The following ZNF398 variants were observed in gnomAD, a reference collection of about 807,000 sequenced individuals.
The protein encoded by ZNF398 is zinc finger protein 398.
A neutral mutation model predicts 41.9 loss-of-function variants in ZNF398; 18 were observed. The ratio of observed to expected loss-of-function variants is 0.43; its 90% CI spans 0.30 to 0.64. The LOEUF is 0.64. Ranked by LOEUF, ZNF398 falls within the 30% of genes least tolerant of loss-of-function variation. ZNF398 has a pLI of 0.14. For synonymous variants in ZNF398, 260 were observed against 308.8 expected (o/e 0.84, Z 1.66); for missense variants, 669 against 822.8 (o/e 0.81, Z 2.29).
At chr7:149,169,032 A>G (rs2129521315) in intron 4 of ZNF398, among the ~76,000 whole-genome samples, 1 of 152,352 alleles carries the variant, frequency 6.6e-6, no homozygotes, top group Middle Eastern at 3.4e-3. Flanking sequence ...CTACATTATT[A>G]GTTATCTGTC....
chr7:149,180,205 A>G lies in ZNF398; in HGVS notation c.*404A>G, dbSNP rs181521951. The G allele has an allele frequency of 6.1e-6, 1 of 163,376 alleles. No individual in the cohort carries two copies. Among genetic ancestry groups the G allele is most frequent in the Admixed American group, 5.9e-5 (1 of 16,862 alleles). The allele number at this position is 163,376 out of a possible 1,614,324, so 10.1% of individuals were successfully genotyped here. ...GAGCCTCCAAAACTGGAAGCCCATC[A>G]TAAGGCATGAGAATGTTTAACTATA... On this transcript the variant is annotated 3_prime_UTR_variant, in exon 6 of 6. Coordinates refer to ENST00000475153, the MANE Select transcript of ZNF398 (RefSeq NM_170686.3).
At chr7:149,140,257 A>G (rs539969009) in intron 2 of ZNF398, among the ~76,000 whole-genome samples, 164 of 152,308 alleles carry the variant, frequency 1.1e-3, no homozygotes, top group African/African-American at 3.9e-3. Context: ...AAAGAACATT[A>G]TGTTCTTTTT....
chr7:149,178,726 C>T lies in ZNF398; in HGVS notation c.854C>T (p.Pro285Leu), dbSNP rs1021970602. 6.2e-7 allele frequency: 1 copy of T among 1,614,076 alleles called. No individual in the cohort carries two copies. The highest frequency in any genetic ancestry group is 1.3e-5 in the African/African-American group (1 of 74,928). ...GAGGTTCCAGTCCCTTTCTCTTCTC[C>T]ACCAGCAGCAGCAAAGGATGCTTTT... is the stretch of plus-strand genomic sequence containing the variant. Reference protein sequence around the residue: ...CPEVPVPFSSPPAAAKDAFSD... With the variant: ...CPEVPVPFSSLPAAAKDAFSD... Residue 285 changes from proline to leucine, a missense_variant, in exon 6 of 6, where the codon CCA (proline) becomes CTA (leucine). Transcript: ENST00000475153.
chr7:149,173,534 G>T (rs892576166), intron 4 of ZNF398, among the ~76,000 whole-genome samples: 3 of 152,066 alleles, frequency 2.0e-5, no homozygotes, highest in African/African-American at 4.8e-5. Flanking sequence ...GATCTGCGGG[G>T]CTGTAGAATG....
At chr7:149,162,897 A>AG (rs1048414171) in intron 2 of ZNF398, among the ~76,000 whole-genome samples, 7 of 122,292 alleles carry the variant, frequency 5.7e-5, no homozygotes, top group Non-Finnish European at 1.2e-4. Flanking sequence ...GGGTGGGGGG[A>AG]GGGGGGCGGC....
chr7:149,158,679 A>G (rs1430492937), intron 2 of ZNF398, among the ~76,000 whole-genome samples: 1 of 151,890 alleles, frequency 6.6e-6, no homozygotes, highest in Non-Finnish European at 1.5e-5. Flanking sequence ...TACTGAAAAT[A>G]CAAAATTAGC....
chr7:149,147,661 C>A lies in ZNF398; in HGVS notation c.-82C>A, dbSNP rs570802802. ...GCCGCCTGTGGAGAGGACCCGGCGG[C>A]CGGGCCTGCTTGGAGCCGGGCGCGG... On this transcript the variant is annotated 5_prime_UTR_variant, in exon 1 of 6. Transcript: ENST00000475153. This position sits in a 1 kb window ranked among gnomAD's most constrained non-coding sequence, Gnocchi z 5.6. The A allele has an allele frequency of 1.7e-4, 214 of 1,233,698 alleles. No individual in the cohort carries two copies. The African/African-American group carries it at 2.8e-3, about 16-fold the overall frequency. The allele number at this position is 1,233,698 out of a possible 1,614,324, so 76.4% of individuals were successfully genotyped here. A position where few individuals can be genotyped will look rare whatever the true frequency, so the allele number is the denominator to read the frequency against.
chr7:149,140,636 G>A (rs547951899), intron 2 of ZNF398, among the ~76,000 whole-genome samples: 129 of 152,124 alleles, frequency 8.5e-4, no homozygotes, highest in African/African-American at 2.3e-3. Flanking sequence ...CACCCGACTC[G>A]GCCTCCCAAA....
chr7:149,135,267 G>A (rs952833179), intron 2 of ZNF398, among the ~76,000 whole-genome samples: 1 of 151,338 alleles, frequency 6.6e-6, no homozygotes, highest in Non-Finnish European at 1.5e-5. Flanking sequence ...GCAGGTGCCC[G>A]TAGTCCCAGC....
Position 149,151,123 on chromosome 7 carries a change from G to T in ZNF398, c.25-2822G>T, listed in dbSNP as rs149629982. The T allele has an allele frequency of 4.1e-4, 259 of 627,816 alleles. 1 individual carries two copies. The African/African-American group carries it at 4.3e-3, about 11-fold the overall frequency. The allele number at this position is 627,816 out of a possible 1,614,324, so 38.9% of individuals were successfully genotyped here. On this transcript the variant is annotated intron_variant, in intron 1 of 5. Transcript: ENST00000475153. ...ATGGAATGGGACAAGCGGCATGGAG[G>T]GCACAAGTCAGTGTTGAGATCCCCA...
chr7:149,144,734 A>G (rs2129519804), upstream of ZNF398, among the ~76,000 whole-genome samples: 1 of 151,920 alleles, frequency 6.6e-6, no homozygotes, highest in South Asian at 2.1e-4. Context: ...GATTATAGGC[A>G]CCCACGACCA....
chr7:149,133,321 C>T (rs1826635854), intron 2 of ZNF398, among the ~76,000 whole-genome samples: 1 of 151,888 alleles, frequency 6.6e-6, no homozygotes, highest in Admixed American at 6.6e-5. Flanking sequence ...ACCATGTTGG[C>T]TAGGCTGGTC....
At chr7:149,165,952 A>G (rs1349509434) in intron 2 of ZNF398, among the ~76,000 whole-genome samples, 2 of 152,196 alleles carry the variant, frequency 1.3e-5, no homozygotes, top group Non-Finnish European at 2.9e-5. Flanking sequence ...TATTTAAGGG[A>G]CTCGTGCTGT....
exon 1 of ZNF398, chr7:149,126,436 C>T (rs953355704): frequency 2.6e-6 from 2 of 768,600 alleles, no homozygotes; most frequent in South Asian, 4.1e-5. Context: ...GAGGAGGGGC[C>T]CGGGCACCCT....
At chr7:149,167,952 A>C (rs1158311735) in intron 4 of ZNF398, among the ~76,000 whole-genome samples, 3 of 151,964 alleles carry the variant, frequency 2.0e-5, no homozygotes, top group Non-Finnish European at 2.9e-5. Context: ...CAATCAGAAA[A>C]GTTAAAATAT....
Position 149,182,076 on chromosome 7 carries a change from A to C in ZNF398, c.*2275A>C, listed in dbSNP as rs1311757761. On this transcript the variant is annotated 3_prime_UTR_variant, in exon 6 of 6. Transcript: ENST00000475153. ...TAGGTAACACTTTAAATACTTTTTT[A>C]CTCAAAGATTTGCCAAGAACACAGC... The C allele has an allele frequency of 6.6e-6, 1 of 152,188 alleles. No homozygotes were observed. The highest frequency in any genetic ancestry group is 6.5e-5 in the Admixed American group (1 of 15,276). 9.4% of individuals were successfully genotyped at this position (152,188 alleles called of 1,614,324 possible). A position where few individuals can be genotyped will look rare whatever the true frequency, so the allele number is the denominator to read the frequency against.
intron 2 of ZNF398, among the ~76,000 whole-genome samples, chr7:149,161,638 G>T (rs1190763714): frequency 2.0e-5 from 3 of 152,140 alleles, no homozygotes; most frequent in African/African-American, 7.2e-5. Context: ...TAACATACAA[G>T]CATACAAGGT....
At chr7:149,163,721 C>T (rs1029924830) in intron 2 of ZNF398, among the ~76,000 whole-genome samples, 4 of 152,152 alleles carry the variant, frequency 2.6e-5, no homozygotes, top group South Asian at 2.1e-4. Flanking sequence ...GTGATCCACC[C>T]GCCTTGGCCT....
chr7:149,163,756 C>T lies in ZNF398; in HGVS notation c.421-2402C>T, dbSNP rs1795164476. On this transcript the variant is annotated intron_variant, in intron 2 of 5. Coordinates refer to ENST00000475153, the MANE Select transcript of ZNF398 (RefSeq NM_170686.3). ...TTCCAAAGTTCTAGGAGCCACTGCG[C>T]CTGGCCAAAGTACCTTTTTAATCAT... 2.0e-5 allele frequency among the ~76,000 whole-genome samples: 3 copies of T among 152,138 alleles called. 1 individual carries two copies. The South Asian group carries it at 6.2e-4, about 32-fold the overall frequency.
Sources: allele counts gnomAD v4.1 joint callset (sites outside exome capture counted in the v4.1 genomes callset), GRCh38; gene constraint gnomAD v4.1.1; non-coding constraint Gnocchi (gnomAD v3.1); transcripts MANE v1.5; gene names NCBI Gene and HGNC (gene_info 2026-07-23, HGNC 2026-07-21).